The following ANKS1A variants were observed in gnomAD, a reference collection of about 807,000 sequenced individuals.
The protein encoded by ANKS1A is ankyrin repeat and sterile alpha motif domain containing 1A.
ANKS1A carries 55 observed loss-of-function variants against 120.3 expected under a neutral mutation model. The observed-to-expected ratio is 0.46, with a 90% CI of 0.37 to 0.57. ANKS1A has a LOEUF of 0.57. Ranked by LOEUF, ANKS1A falls within the 20% of genes least tolerant of loss-of-function variation. The pLI, the probability that ANKS1A is intolerant of heterozygous loss-of-function variation, is 0.00. For synonymous variants in ANKS1A, 590 were observed against 604.7 expected (o/e 0.98, Z 0.36); for missense variants, 1,123 against 1,480.3 (o/e 0.76, Z 3.96).
chr6:34,982,077 AT>A lies in ANKS1A; in HGVS notation c.732+94del. ...ACCATGCTGCTGGGCTGTGCTCTTT[AT>A]TTAGCACGTTTCACATCATGTTTCA... On this transcript the variant is annotated intron_variant, in intron 4 of 23. Transcript: ENST00000360359. The surrounding 1 kb of genome is among the most constrained non-coding windows in gnomAD (Gnocchi z 4.9). 2 of 1,456,526 alleles carry A rather than the reference AT, an allele frequency of 1.4e-6. No homozygotes were observed. Among genetic ancestry groups the A allele is most frequent in the Non-Finnish European group, 9.2e-7 (1 of 1,081,166 alleles). The allele number at this position is 1,456,526 out of a possible 1,614,324, so 90.2% of individuals were successfully genotyped here. A position where few individuals can be genotyped will look rare whatever the true frequency, so the allele number is the denominator to read the frequency against.
intron 11 of ANKS1A, among the ~76,000 whole-genome samples, chr6:35,049,529 C>A (rs578137883): frequency 6.6e-6 from 1 of 152,080 alleles, no homozygotes; most frequent in South Asian, 2.1e-4. Flanking sequence ...GTGGAAGAGG[C>A]GAGGTGGAAG....
chr6:35,023,743 AAT>A (rs1774471094), intron 11 of ANKS1A: 2 of 349,212 alleles, frequency 5.7e-6, no homozygotes, highest in Admixed American at 6.5e-5. Flanking sequence ...CTTCTCCCAG[AAT>A]ATAGAGGCAC....
chr6:35,071,109 A>G (rs1455409406), intron 13 of ANKS1A: 2 of 320,296 alleles, frequency 6.2e-6, no homozygotes, highest in East Asian at 7.5e-5. Context: ...CTAGTTGCCA[A>G]TCAGAAAATC....
At chr6:35,028,392 C>T (rs1016642388) in intron 11 of ANKS1A, among the ~76,000 whole-genome samples, 1 of 152,106 alleles carries the variant, frequency 6.6e-6, no homozygotes, top group Non-Finnish European at 1.5e-5. Context: ...TTTCTGTGTC[C>T]TTGGAGGGAA....
At chr6:34,996,163 T>C (rs1272239294) in intron 10 of ANKS1A, among the ~76,000 whole-genome samples, 1 of 152,218 alleles carries the variant, frequency 6.6e-6, no homozygotes, top group Non-Finnish European at 1.5e-5. Context: ...TAGTTCATTA[T>C]GGATTTAATT....
intron 1 of ANKS1A, among the ~76,000 whole-genome samples, chr6:34,922,630 A>T (rs958830849): frequency 6.6e-6 from 1 of 151,618 alleles, no homozygotes; most frequent in African/African-American, 2.4e-5. Context: ...TGTGAGGTTG[A>T]CTGTGTCCCT....
At chr6:35,047,316 C>T (rs1444640001) in intron 11 of ANKS1A, among the ~76,000 whole-genome samples, 1 of 152,188 alleles carries the variant, frequency 6.6e-6, no homozygotes, top group Non-Finnish European at 1.5e-5. Flanking sequence ...CTTTCCCTGG[C>T]CACACTGCTA....
At chr6:35,053,134 A>C (rs1776050827) in intron 11 of ANKS1A, among the ~76,000 whole-genome samples, 1 of 152,208 alleles carries the variant, frequency 6.6e-6, no homozygotes, top group South Asian at 2.1e-4. Context: ...CCTTACTTGC[A>C]CTTAGAGGAA....
At chr6:35,004,307 AGT>A (rs1415404425) in intron 10 of ANKS1A, among the ~76,000 whole-genome samples, 1 of 152,072 alleles carries the variant, frequency 6.6e-6, no homozygotes, top group Non-Finnish European at 1.5e-5. Context: ...GTCCCGCTAC[AGT>A]GAGATGGGAA....
intron 3 of ANKS1A, among the ~76,000 whole-genome samples, chr6:34,978,295 G>C (rs907337515): frequency 6.6e-6 from 1 of 152,124 alleles, no homozygotes; most frequent in African/African-American, 2.4e-5. Context: ...GAGAATTTGT[G>C]CAAAAGCATT....
At chr6:34,892,991 T>G (rs759057636) in intron 1 of ANKS1A, among the ~76,000 whole-genome samples, 5 of 152,210 alleles carry the variant, frequency 3.3e-5, no homozygotes, top group Admixed American at 6.5e-5. Context: ...CCACTTTTTC[T>G]TAGCATTAAG....
chr6:35,066,276 G>A (rs1776772271), intron 13 of ANKS1A, among the ~76,000 whole-genome samples: 1 of 152,206 alleles, frequency 6.6e-6, no homozygotes. Context: ...GTCTTTCTCT[G>A]CAGGCTGCAG....
intron 10 of ANKS1A, among the ~76,000 whole-genome samples, chr6:35,003,173 G>A (rs900807092): frequency 2.0e-5 from 3 of 151,906 alleles, no homozygotes; most frequent in East Asian, 1.9e-4. Context: ...ATAATGAATC[G>A]CCCCCTAAGC....
chr6:34,919,587 G>A (rs1052443244), intron 1 of ANKS1A, among the ~76,000 whole-genome samples: 4 of 152,150 alleles, frequency 2.6e-5, no homozygotes, highest in Non-Finnish European at 4.4e-5. Context: ...TTTAGAAAAT[G>A]CAGTTGGTGG....
Position 34,889,391 on chromosome 6 carries a change from G to A in ANKS1A, c.-12G>A. ...CCTCGGGGAGGGGGTCCAGCGGGTG[G>A]CGGCCCTGGGGATGGGGAAGGAGCA... On this transcript the variant is annotated 5_prime_UTR_variant, in exon 1 of 24. Coordinates refer to ENST00000360359, the MANE Select transcript of ANKS1A (RefSeq NM_015245.3). The surrounding 1 kb of genome is among the most constrained non-coding windows in gnomAD (Gnocchi z 5.5). 4 of 1,261,058 alleles carry A rather than the reference G, an allele frequency of 3.2e-6. No individual in the cohort carries two copies. Among genetic ancestry groups the A allele is most frequent in the Non-Finnish European group, 3.0e-6 (3 of 1,005,588 alleles). The allele number at this position is 1,261,058 out of a possible 1,614,324, so 78.1% of individuals were successfully genotyped here.
intron 11 of ANKS1A, among the ~76,000 whole-genome samples, chr6:35,024,347 C>T (rs1774504089): frequency 6.6e-6 from 1 of 152,186 alleles, no homozygotes; most frequent in Non-Finnish European, 1.5e-5. Flanking sequence ...TTGTGATGAC[C>T]AGATTAGCCT....
intron 13 of ANKS1A, among the ~76,000 whole-genome samples, chr6:35,072,704 G>A (rs1045248647): frequency 1.3e-5 from 2 of 152,202 alleles, no homozygotes; most frequent in Non-Finnish European, 2.9e-5. Flanking sequence ...TCCCTTCCCC[G>A]AGAGGTGGAG....
chr6:35,032,958 C>T (rs1233531147), intron 11 of ANKS1A, among the ~76,000 whole-genome samples: 2 of 152,112 alleles, frequency 1.3e-5, no homozygotes, highest in Non-Finnish European at 2.9e-5. Context: ...CAAGCTGGTT[C>T]GGAAAGGGGG....
chr6:34,989,270 A>T lies in ANKS1A; in HGVS notation c.1256A>T (p.Glu419Val). 1 of 1,614,114 alleles carries T rather than the reference A, an allele frequency of 6.2e-7. No individual in the cohort carries two copies. The highest frequency in any genetic ancestry group is 2.2e-5 in the East Asian group (1 of 44,882). The change falls in exon 9 of 24, where the codon GAA becomes GTA. Residue 419 changes from glutamate to valine, a missense_variant. Coordinates refer to ENST00000360359, the MANE Select transcript of ANKS1A (RefSeq NM_015245.3). ...PPAKPPPDEE[E>V]EDHIDKKYFP... ...GCAAAGCCACCGCCCGATGAAGAGG[A>T]AGAAGACCACATAGATAAGAAGTAT...
Sources: allele counts gnomAD v4.1 joint callset (sites outside exome capture counted in the v4.1 genomes callset), GRCh38; gene constraint gnomAD v4.1.1; non-coding constraint Gnocchi (gnomAD v3.1); transcripts MANE v1.5; gene names NCBI Gene and HGNC (gene_info 2026-07-23, HGNC 2026-07-21).